The following HIVEP2 variants were observed in gnomAD, a reference collection of about 807,000 sequenced individuals.
HIVEP2 encodes the protein transcription factor HIVEP2.
In HIVEP2, 14 loss-of-function variants were observed where a neutral mutation model predicts 180.7. The ratio of observed to expected loss-of-function variants is 0.08; its 90% CI spans 0.05 to 0.12. HIVEP2 has a LOEUF of 0.12. HIVEP2 is among the 10% of genes least tolerant of loss of function. The pLI is 1.00. For synonymous variants in HIVEP2, 1,184 were observed against 1,136.4 expected, an observed-to-expected ratio of 1.04 and a Z score of -0.84; for missense variants, 2,579 against 3,008.5, an observed-to-expected ratio of 0.86 and a Z score of 3.34.
intron 1 of HIVEP2, among the ~76,000 whole-genome samples, chr6:142,859,208 T>C (rs1407202757): frequency 6.6e-6 from 1 of 152,146 alleles, no homozygotes; most frequent in Non-Finnish European, 1.5e-5. Flanking sequence ...CAACAGTATA[T>C]GCTTAAAGGC....
intron 1 of HIVEP2, among the ~76,000 whole-genome samples, chr6:142,891,402 A>C (rs1215344837): frequency 4.7e-5 from 7 of 150,216 alleles, no homozygotes; most frequent in Admixed American, 4.0e-4. Flanking sequence ...ATGTATGTTT[A>C]TATATAATTT....
chr6:142,778,968 C>CT (rs1163652168), intron 3 of HIVEP2, among the ~76,000 whole-genome samples: 7 of 151,888 alleles, frequency 4.6e-5, no homozygotes, highest in Admixed American at 1.3e-4. Context: ...ATGCCATTTC[C>CT]TAGAAATAAA....
chr6:142,914,225 A>G (rs1175177037), intron 1 of HIVEP2, among the ~76,000 whole-genome samples: 1 of 152,196 alleles, frequency 6.6e-6, no homozygotes, highest in Non-Finnish European at 1.5e-5. Context: ...ATTCTAAGAC[A>G]TAAGCTTTTT....
At chr6:142,889,532 G>A (rs944457999) in intron 1 of HIVEP2, among the ~76,000 whole-genome samples, 1 of 152,264 alleles carries the variant, frequency 6.6e-6, no homozygotes, top group East Asian at 1.9e-4. Flanking sequence ...AAGAAGGTAT[G>A]GCAGAGCAAT....
chr6:142,854,076 C>T (rs1775757983), intron 1 of HIVEP2, among the ~76,000 whole-genome samples: 2 of 152,292 alleles, frequency 1.3e-5, no homozygotes, highest in East Asian at 1.9e-4. Flanking sequence ...TTCTTAAATT[C>T]AAGCTCTGTG....
intron 2 of HIVEP2, among the ~76,000 whole-genome samples, chr6:142,789,578 G>T (rs1776088734): frequency 6.6e-6 from 1 of 152,158 alleles, no homozygotes; most frequent in Admixed American, 6.5e-5. Context: ...ACTAACAAAT[G>T]AAAAAGGTGA....
chr6:142,884,147 A>G (rs770533496), intron 1 of HIVEP2, among the ~76,000 whole-genome samples: 12 of 152,162 alleles, frequency 7.9e-5, no homozygotes, highest in Non-Finnish European at 1.6e-4. Context: ...CTCTTTTTCC[A>G]CTAGGGCTTT....
At chr6:142,793,389 A>T (rs1776187585) in intron 2 of HIVEP2, among the ~76,000 whole-genome samples, 1 of 152,134 alleles carries the variant, frequency 6.6e-6, no homozygotes, top group Non-Finnish European at 1.5e-5. Context: ...TTAGTGACTG[A>T]GGTGATTCTT....
At chr6:142,789,806 CAA>C (rs1776095073) in intron 2 of HIVEP2, among the ~76,000 whole-genome samples, 1 of 151,838 alleles carries the variant, frequency 6.6e-6, no homozygotes, top group African/African-American at 2.4e-5. Context: ...TTCAAATGAG[CAA>C]AGATATTTAT....
At chr6:142,922,750 C>CT (rs1270930935) in intron 1 of HIVEP2, among the ~76,000 whole-genome samples, 1 of 152,154 alleles carries the variant, frequency 6.6e-6, no homozygotes, top group Admixed American at 6.5e-5. Flanking sequence ...AGTCGTAAGT[C>CT]TGATTAAGCA....
chr6:142,828,852 T>C (rs943902011), intron 2 of HIVEP2, among the ~76,000 whole-genome samples: 2 of 152,240 alleles, frequency 1.3e-5, no homozygotes, highest in Non-Finnish European at 1.5e-5. Context: ...TGTTGGTTGA[T>C]TTAAAAGTTG....
intron 8 of HIVEP2, 66 bp downstream of exon 8, chr6:142,761,398 A>G (rs1048896231): frequency 6.0e-5 from 45 of 746,384 alleles, no homozygotes; most frequent in Non-Finnish European, 1.0e-4. Context: ...TTATTTTACT[A>G]CCTCAGCCAC....
In HIVEP2 at chr6:142,771,764, G is replaced by A. The variant is rs779819159; in HGVS notation, c.2975C>T (p.Ser992Phe). Residue 992 changes from serine to phenylalanine, a missense_variant, in exon 5 of 10, where the codon TCT becomes TTT. By Grantham distance (155) the Ser-to-Phe change is radical (BLOSUM62 -2). Coordinates refer to ENST00000367603, the MANE Select transcript of HIVEP2 (RefSeq NM_006734.4). The surrounding 1 kb of genome is among the most constrained non-coding windows in gnomAD (Gnocchi z 5.4). ...SFEREETSKL[S>F]ALPKQDEFGK... The stretch of plus-strand genomic sequence containing the variant: ...AAACTCATCCTGCTTAGGAAGTGCA[G>A]AAAGCTTACTGGTTTCTTCTCTTTC... 2 of 1,614,080 alleles carry A rather than the reference G, an allele frequency of 1.2e-6. No homozygotes were observed. The highest frequency in any genetic ancestry group is 1.3e-5 in the African/African-American group (1 of 74,930).
At chr6:142,796,633 A>G (rs1776284980) in intron 2 of HIVEP2, among the ~76,000 whole-genome samples, 1 of 152,148 alleles carries the variant, frequency 6.6e-6, no homozygotes. Flanking sequence ...ACATTAAGCA[A>G]TCCAGCTTTT....
chr6:142,841,861 G>A (rs1775373323), intron 1 of HIVEP2, among the ~76,000 whole-genome samples: 1 of 151,896 alleles, frequency 6.6e-6, no homozygotes, highest in Non-Finnish European at 1.5e-5. Flanking sequence ...CACTTGCTTG[G>A]AAATACTTCA....
intron 1 of HIVEP2, among the ~76,000 whole-genome samples, chr6:142,904,846 T>C (rs1777223514): frequency 6.6e-6 from 1 of 152,202 alleles, no homozygotes; most frequent in African/African-American, 2.4e-5. Context: ...TCAGTTCAAT[T>C]TGTTATCCTC....
At chr6:142,761,307 G>A (rs968194370) in intron 8 of HIVEP2, among the ~76,000 whole-genome samples, 157 bp downstream of exon 8, 1 of 152,084 alleles carries the variant, frequency 6.6e-6, no homozygotes, top group African/African-American at 2.4e-5. Context: ...TAGATTTCAA[G>A]CAATTCAATG....
chr6:142,903,793 G>C (rs982151096), intron 1 of HIVEP2, among the ~76,000 whole-genome samples: 4 of 151,588 alleles, frequency 2.6e-5, no homozygotes, highest in Non-Finnish European at 4.4e-5. Flanking sequence ...TAGAGTCTAC[G>C]ATACTCATTT....
chr6:142,888,470 CA>C (rs1776766245), intron 1 of HIVEP2, among the ~76,000 whole-genome samples: 1 of 152,168 alleles, frequency 6.6e-6, no homozygotes, highest in Non-Finnish European at 1.5e-5. Context: ...TACATCCTTA[CA>C]TCTCCTCATT....
Sources: gnomAD v4.1 joint callset for allele counts (sites outside exome capture counted in the v4.1 genomes callset) on GRCh38, gnomAD v4.1.1 for gene constraint, Gnocchi (gnomAD v3.1) non-coding constraint, MANE v1.5 for transcripts, NCBI Gene and HGNC (gene_info 2026-07-23, HGNC 2026-07-21) for gene names.